PAX7: variants seen among roughly 807,000 people sequenced by gnomAD.
The protein encoded by PAX7 is paired box 7.
In PAX7, 18 loss-of-function variants were observed where a neutral mutation model predicts 50.7. The observed-to-expected ratio is 0.36, with a 90% confidence interval of 0.25 to 0.53. PAX7 has a LOEUF of 0.53. Ranked by LOEUF, PAX7 falls within the 20% of genes least tolerant of loss-of-function variation. PAX7 has a pLI of 0.93. For synonymous variants in PAX7, 310 were observed against 290.4 expected, an observed-to-expected ratio of 1.07 and a Z score of -0.69; for missense variants, 644 against 702.9, an observed-to-expected ratio of 0.92 and a Z score of 0.95.
At position 18,636,127 on chromosome 1, in the gene PAX7, T is replaced by C. The variant is rs1041114675; in HGVS notation, c.452-110T>C. On this transcript the variant is annotated intron_variant, in intron 3 of 8. Coordinates refer to ENST00000420770, the MANE Select transcript of PAX7 (RefSeq NM_001135254.2). This position sits in a 1 kb window ranked among gnomAD's most constrained non-coding sequence, Gnocchi z 5.1. ...TGTGTGTGGAAGAGGGATGAATGGATATCTGTAAGGAAGCAGGGGGCTTCC... is the reference window on the plus strand; with the variant it reads ...TGTGTGTGGAAGAGGGATGAATGGACATCTGTAAGGAAGCAGGGGGCTTCC... 1.2e-5 allele frequency: 13 copies of C among 1,088,970 alleles called. No individual in the cohort carries two copies. The African/African-American group carries it at 2.0e-4, about 17-fold the overall frequency. The allele number at this position is 1,088,970 out of a possible 1,614,324, so 67.5% of individuals were successfully genotyped here.
chr1:18,643,840 G>C (rs2088297217), intron 4 of PAX7, among the ~76,000 whole-genome samples: 1 of 152,204 alleles, frequency 6.6e-6, no homozygotes, highest in Non-Finnish European at 1.5e-5. Flanking sequence ...GGGCGGGAGG[G>C]AGGCCGACCC....
chr1:18,648,666 C>G (rs533503642), intron 4 of PAX7, among the ~76,000 whole-genome samples: 4 of 152,138 alleles, frequency 2.6e-5, no homozygotes, highest in African/African-American at 4.8e-5. Context: ...TTATCAAACC[C>G]TAGGTTGTGT....
intron 7 of PAX7, among the ~76,000 whole-genome samples, chr1:18,712,428 G>A (rs573012249): frequency 4.8e-4 from 73 of 152,308 alleles, no homozygotes; most frequent in African/African-American, 1.7e-3. Context: ...AAATAGACTC[G>A]TGTTTATGTC....
intron 4 of PAX7, among the ~76,000 whole-genome samples, chr1:18,646,586 C>T (rs949319145): frequency 6.6e-6 from 1 of 152,134 alleles, no homozygotes; most frequent in Non-Finnish European, 1.5e-5. Flanking sequence ...TCCTCCTCCC[C>T]GGGGCGCCCC....
intron 4 of PAX7, among the ~76,000 whole-genome samples, chr1:18,691,451 C>T (rs1557532676): frequency 6.6e-6 from 1 of 152,270 alleles, no homozygotes; most frequent in East Asian, 1.9e-4. Context: ...AAACAAAATG[C>T]CCAACCAGAG....
chr1:18,672,692 G>A (rs138147449), intron 4 of PAX7, among the ~76,000 whole-genome samples: 13,508 of 147,586 alleles, frequency 0.092, 692 homozygotes, highest in East Asian at 0.15. Flanking sequence ...TGCAACCTCC[G>A]CCTCCCATGT....
Position 18,726,165 on chromosome 1 carries a change from T to C in PAX7, c.1156-9467T>C, listed in dbSNP as rs1182827425. Among the ~76,000 whole-genome samples, 1 of 151,526 alleles carries C rather than the reference T, an allele frequency of 6.6e-6. No individual in the cohort carries two copies. The highest frequency in any genetic ancestry group is 2.4e-5 in the African/African-American group (1 of 41,130). On this transcript the variant is annotated intron_variant, in intron 7 of 8. Transcript: ENST00000420770. The surrounding 1 kb of genome is among the most constrained non-coding windows in gnomAD (Gnocchi z 4.8). ...GTGTGAGTGTGTGTGTGTGTGTGTG[T>C]GTGTGTGTGTGTGTCTTTGACTTCT...
rs1211629323 is a variant in PAX7, at chr1:18,746,502, CTGTCA to C, written c.*1574_*1578del. ...AAAATCATATTCATCTTTACCATCACTGTCACTGTAATCTACATTCCATCACCTTT... is the reference window on the plus strand; with the variant it reads ...AAAATCATATTCATCTTTACCATCACCTGTAATCTACATTCCATCACCTTT... On this transcript the variant is annotated 3_prime_UTR_variant, in exon 9 of 9. Transcript: ENST00000420770. 4 of 230,910 alleles carry C rather than the reference CTGTCA, an allele frequency of 1.7e-5. No homozygotes were observed. The highest frequency in any genetic ancestry group is 8.8e-5 in the African/African-American group (4 of 45,204). 14.3% of individuals were successfully genotyped at this position (230,910 alleles called of 1,614,324 possible).
intron 7 of PAX7, among the ~76,000 whole-genome samples, chr1:18,734,256 G>C (rs542628030): frequency 6.6e-6 from 1 of 152,148 alleles, no homozygotes; most frequent in Non-Finnish European, 1.5e-5. Flanking sequence ...GTGGTTCTCC[G>C]TCTCGGTGCT....
At chr1:18,675,176 A>G (rs1460711533) in intron 4 of PAX7, among the ~76,000 whole-genome samples, 1 of 152,086 alleles carries the variant, frequency 6.6e-6, no homozygotes, top group Non-Finnish European at 1.5e-5. Context: ...GTAGTGCACG[A>G]TGACTTCCTG....
At chr1:18,672,099 G>T (rs1158939188) in intron 4 of PAX7, among the ~76,000 whole-genome samples, 2 of 152,200 alleles carry the variant, frequency 1.3e-5, no homozygotes, top group African/African-American at 4.8e-5. Flanking sequence ...AGGGCACTCT[G>T]TGAGTGTTTG....
chr1:18,656,275 C>A (rs2088518370), intron 4 of PAX7, among the ~76,000 whole-genome samples: 1 of 152,084 alleles, frequency 6.6e-6, no homozygotes, highest in South Asian at 2.1e-4. Context: ...AGGTGGATCA[C>A]TTGAGGTCAG....
intron 7 of PAX7, among the ~76,000 whole-genome samples, chr1:18,717,629 TG>T (rs905860444): frequency 9.2e-5 from 14 of 152,336 alleles, no homozygotes; most frequent in Non-Finnish European, 1.6e-4. Flanking sequence ...TCTAACTTTT[TG>T]GATACCGCTC....
chr1:18,691,654 C>T, intron 4 of PAX7, 100 bp from the exon 5 acceptor site: 1 of 996,950 alleles, frequency 1.0e-6, no homozygotes, highest in Non-Finnish European at 1.5e-6. Context: ...GTCATGGGTC[C>T]TAGGTGGGCA....
chr1:18,681,773 C>T lies in PAX7; in HGVS notation c.587-9981C>T, dbSNP rs546841679. Among the ~76,000 whole-genome samples, 195 of 138,594 alleles carry T rather than the reference C, an allele frequency of 1.4e-3. 1 individual carries two copies. Among genetic ancestry groups the T allele is most frequent in the African/African-American group, 3.6e-3 (135 of 37,200 alleles). The allele number at this position is 138,594 out of a possible 152,430, so 90.9% of individuals were successfully genotyped here. On this transcript the variant is annotated intron_variant, in intron 4 of 8. Coordinates refer to ENST00000420770, the MANE Select transcript of PAX7 (RefSeq NM_001135254.2). ...TTATTTTTATTTTTATTTTTTGATA[C>T]GGCGTTTCATTCTTGTTGCCCAGGC...
intron 7 of PAX7, among the ~76,000 whole-genome samples, chr1:18,717,264 G>T (rs540771192): frequency 3.3e-4 from 50 of 152,296 alleles, no homozygotes; most frequent in African/African-American, 1.2e-3. Context: ...GCCGCCGCTC[G>T]CTCGTCCAGT....
chr1:18,745,781 C>G lies in PAX7; in HGVS notation c.*852C>G, dbSNP rs1931416043. ...TCTGGGGCCTGGGGAGCCCACAGAA[C>G]TTTTCAGTTTCCTTCATTAGCTGAA... On this transcript the variant is annotated 3_prime_UTR_variant, in exon 9 of 9. Transcript: ENST00000420770. 4.3e-6 allele frequency: 1 copy of G among 231,948 alleles called. No individual in the cohort carries two copies. Among genetic ancestry groups the G allele is most frequent in the Admixed American group, 5.6e-5 (1 of 17,750 alleles). 14.4% of individuals were successfully genotyped at this position (231,948 alleles called of 1,614,324 possible).
At chr1:18,677,718 G>A (rs1385282819) in intron 4 of PAX7, among the ~76,000 whole-genome samples, 2 of 152,164 alleles carry the variant, frequency 1.3e-5, no homozygotes, top group Admixed American at 1.3e-4. Flanking sequence ...AGTTCTCCTT[G>A]CTGTGTGTGT....
At chr1:18,665,063 A>G (rs2088649009) in intron 4 of PAX7, among the ~76,000 whole-genome samples, 1 of 152,164 alleles carries the variant, frequency 6.6e-6, no homozygotes, top group Non-Finnish European at 1.5e-5. Flanking sequence ...CACGTGCAAT[A>G]TAGAGCTCCA....
Sources: gnomAD v4.1 joint callset for allele counts (sites outside exome capture counted in the v4.1 genomes callset) on GRCh38, gnomAD v4.1.1 for gene constraint, Gnocchi (gnomAD v3.1) non-coding constraint, MANE v1.5 for transcripts, NCBI Gene and HGNC (gene_info 2026-07-23, HGNC 2026-07-21) for gene names.